The following CCSER1 variants were observed in gnomAD, a reference collection of about 807,000 sequenced individuals.
CCSER1 encodes the protein serine-rich coiled-coil domain-containing protein 1.
Under a neutral mutation model 82.0 loss-of-function variants are expected in CCSER1, and 41 were observed. The observed-to-expected ratio is 0.50, with a 90% CI of 0.39 to 0.65. The LOEUF (loss-of-function observed/expected upper bound fraction) is 0.65. Among genes scored for constraint, CCSER1 ranks in the 30% least tolerant of loss-of-function variants. The probability of loss-of-function intolerance (pLI) is 0.00; values close to 1 mark genes in which losing one functional copy is unlikely to be tolerated. For synonymous variants in CCSER1, 414 were observed against 383.9 expected (o/e 1.08, Z -0.92); for missense variants, 1,119 against 1,064.2 (o/e 1.05, Z -0.72).
chr4:90,721,082 C>T (rs145931542), intron 6 of CCSER1, among the ~76,000 whole-genome samples: 108 of 151,894 alleles, frequency 7.1e-4, no homozygotes, highest in Non-Finnish European at 1.2e-3. Context: ...ATAATATGCT[C>T]AGTAAATTCT....
intron 10 of CCSER1, among the ~76,000 whole-genome samples, chr4:91,166,405 A>G (rs1417690113): frequency 1.3e-5 from 2 of 152,166 alleles, no homozygotes; most frequent in African/African-American, 2.4e-5. Flanking sequence ...CCATTACCCA[A>G]ATGTTCATTT....
chr4:90,336,165 T>A (rs538157908), intron 3 of CCSER1, among the ~76,000 whole-genome samples: 20 of 152,298 alleles, frequency 1.3e-4, no homozygotes, highest in African/African-American at 4.6e-4. Flanking sequence ...TCCAAGAGAA[T>A]TTGGCCTTGA....
intron 2 of CCSER1, among the ~76,000 whole-genome samples, chr4:90,312,545 A>T (rs770118608): frequency 6.6e-6 from 1 of 152,142 alleles, no homozygotes; most frequent in Non-Finnish European, 1.5e-5. Flanking sequence ...TAACCAAGCC[A>T]GCATAGATTT....
At chr4:91,349,481 G>A (rs1748320256) in intron 10 of CCSER1, among the ~76,000 whole-genome samples, 1 of 152,084 alleles carries the variant, frequency 6.6e-6, no homozygotes, top group Non-Finnish European at 1.5e-5. Flanking sequence ...GCCTCCTTCT[G>A]TTACTGAGCC....
chr4:91,243,035 A>G (rs1413697905), intron 10 of CCSER1, among the ~76,000 whole-genome samples: 3 of 152,246 alleles, frequency 2.0e-5, no homozygotes. Flanking sequence ...TTGAATTCCC[A>G]GTGCCTCTCC....
chr4:90,278,267 G>A (rs1478235671), intron 1 of CCSER1, among the ~76,000 whole-genome samples: 1 of 152,088 alleles, frequency 6.6e-6, no homozygotes, highest in Non-Finnish European at 1.5e-5. Flanking sequence ...AGAGCAATTT[G>A]GAGATTACTC....
intron 10 of CCSER1, among the ~76,000 whole-genome samples, chr4:91,136,926 G>A (rs1171942822): frequency 6.6e-6 from 1 of 151,528 alleles, no homozygotes; most frequent in African/African-American, 2.4e-5. Context: ...ATTTAAACTT[G>A]GTAGCTTTCT....
chr4:90,299,209 T>A (rs1732613034), intron 1 of CCSER1, among the ~76,000 whole-genome samples: 1 of 152,140 alleles, frequency 6.6e-6, no homozygotes, highest in Non-Finnish European at 1.5e-5. Flanking sequence ...ATTGTCATGC[T>A]ACTTGCACAC....
Position 90,421,097 on chromosome 4 carries a change from C to T in CCSER1, c.1603+20968C>T, listed in dbSNP as rs370180213. 3.9e-5 allele frequency among the ~76,000 whole-genome samples: 6 copies of T among 152,220 alleles called. No homozygotes were observed. In the East Asian group the frequency reaches 9.7e-4, roughly 24 times the overall value. ...TGTTCACCAACAAGAAAAATAACCACTGACATGAAACATAATTTCCTATCG... is the reference window on the plus strand; with the variant it reads ...TGTTCACCAACAAGAAAAATAACCATTGACATGAAACATAATTTCCTATCG... On this transcript the variant is annotated intron_variant, in intron 4 of 10. Transcript: ENST00000509176.
At chr4:91,179,188 C>A (rs1164065586) in intron 10 of CCSER1, among the ~76,000 whole-genome samples, 1 of 152,206 alleles carries the variant, frequency 6.6e-6, no homozygotes, top group East Asian at 1.9e-4. Context: ...GTCTGATTGG[C>A]TTCCCTTTGT....
At chr4:90,440,690 G>A (rs1759743665) in intron 4 of CCSER1, among the ~76,000 whole-genome samples, 1 of 152,152 alleles carries the variant, frequency 6.6e-6, no homozygotes, top group Admixed American at 6.5e-5. Flanking sequence ...ATTTGTGCAT[G>A]AGAACTCTTC....
rs191876786 is a variant in CCSER1 at position 90,869,883 on chromosome 4, A to G, written c.2095-53487A>G. 4.7e-4 allele frequency among the ~76,000 whole-genome samples: 72 copies of G among 151,812 alleles called. No homozygotes were observed. The East Asian group carries it at 0.013, about 27-fold the overall frequency. ...TTTGTTTCTTCTTTGATTTCTTTCA[A>G]GAATGTTTCATAGTTTTTATTGTAG... On this transcript the variant is annotated intron_variant, in intron 8 of 10. Transcript: ENST00000509176.
chr4:90,628,488 A>G (rs1001024801), intron 6 of CCSER1, among the ~76,000 whole-genome samples: 2 of 152,152 alleles, frequency 1.3e-5, no homozygotes, highest in African/African-American at 4.8e-5. Flanking sequence ...GCATCCCCCT[A>G]TTTGTCAGGT....
chr4:91,174,550 C>G (rs1425931257), intron 10 of CCSER1, among the ~76,000 whole-genome samples: 1 of 151,452 alleles, frequency 6.6e-6, no homozygotes, highest in Non-Finnish European at 1.5e-5. Context: ...ACCCATCAAC[C>G]CGTAATCTAG....
intron 5 of CCSER1, among the ~76,000 whole-genome samples, chr4:90,475,965 C>T (rs2153593940): frequency 6.6e-6 from 1 of 152,206 alleles, no homozygotes; most frequent in South Asian, 2.1e-4. Flanking sequence ...GTCAGCTTTA[C>T]AATGGGCCCC....
chr4:90,527,867 T>G (rs1578974750), intron 5 of CCSER1, among the ~76,000 whole-genome samples: 1 of 152,282 alleles, frequency 6.6e-6, no homozygotes, highest in East Asian at 1.9e-4. Flanking sequence ...TAATAGTTTT[T>G]AAAGCTTTAC....
intron 10 of CCSER1, among the ~76,000 whole-genome samples, chr4:91,513,367 T>C (rs1320741197): frequency 6.6e-6 from 1 of 152,170 alleles, no homozygotes; most frequent in East Asian, 1.9e-4. Flanking sequence ...GGTTTGCTAG[T>C]ATATTGTTGA....
intron 1 of CCSER1, among the ~76,000 whole-genome samples, chr4:90,202,209 T>C (rs1416295705): frequency 6.6e-6 from 1 of 151,892 alleles, no homozygotes; most frequent in East Asian, 1.9e-4. Flanking sequence ...AAACTTTTTT[T>C]TTTTTTTTGA....
At chr4:90,895,761 A>G (rs936135393) in intron 8 of CCSER1, among the ~76,000 whole-genome samples, 1 of 151,912 alleles carries the variant, frequency 6.6e-6, no homozygotes, top group Non-Finnish European at 1.5e-5. Flanking sequence ...TATTATATAT[A>G]TATTTCTCCC....
Sources: allele counts gnomAD v4.1 joint callset (sites outside exome capture counted in the v4.1 genomes callset), GRCh38; gene constraint gnomAD v4.1.1; transcripts MANE v1.5; gene names NCBI Gene and HGNC (gene_info 2026-07-23, HGNC 2026-07-21).